AHNAK2: variants seen among roughly 807,000 people sequenced by gnomAD.
AHNAK2 encodes the protein protein AHNAK2.
AHNAK2 carries 18 observed loss-of-function variants against 30.7 expected under a neutral mutation model. The ratio of observed to expected loss-of-function variants is 0.59; its 90% confidence interval spans 0.41 to 0.87. The LOEUF (loss-of-function observed/expected upper bound fraction) is 0.87. AHNAK2 is among the 40% of genes least tolerant of loss of function. The pLI, the probability that AHNAK2 is intolerant of heterozygous loss-of-function variation, is 0.00. For synonymous variants in AHNAK2, 3,590 were observed against 3,073.8 expected (o/e 1.17, Z -5.56); for missense variants, 8,604 against 7,373.0 (o/e 1.17, Z -6.11).
In AHNAK2 at chr14:104,943,169, C is replaced by T. The variant is rs1454625727; in HGVS notation, c.12282G>A (p.Met4094Ile). Reference sequence around the variant, plus strand: ...CGTCCACCTCCATGCTGGACAGAGACATCTTCACATCAGGGGCTGTCACTT... The same window carrying T: ...CGTCCACCTCCATGCTGGACAGAGATATCTTCACATCAGGGGCTGTCACTT... ...KAEVTAPDVKMSLSSMEVDVQ... is the reference protein window; with the variant it reads ...KAEVTAPDVKISLSSMEVDVQ... The change falls in exon 7 of 7, where the codon ATG becomes ATA. Residue 4094 changes from methionine to isoleucine, a missense_variant. By Grantham distance (10) the Met-to-Ile change is conservative. Coordinates refer to ENST00000333244, the MANE Select transcript of AHNAK2 (RefSeq NM_138420.4). The T allele has an allele frequency of 1.2e-6, 2 of 1,612,784 alleles. No homozygotes were observed. Among genetic ancestry groups the T allele is most frequent in the African/African-American group, 1.3e-5 (1 of 74,672 alleles).
chr14:104,938,946 C>T lies in AHNAK2; in HGVS notation c.16505G>A (p.Arg5502Gln), dbSNP rs200811905. The change falls in exon 7 of 7, where the codon CGG becomes CAG. Residue 5502 changes from arginine (R) to glutamine (Q), a missense_variant. By Grantham distance (43) the Arg-to-Gln change is conservative (BLOSUM62 1). Transcript: ENST00000333244. Reference sequence around the variant, plus strand: ...CTCTGACGTGGGGATCTCTGATTCCCGCACAATCTGAGTGGAAAAAGTCCT... The same window carrying T: ...CTCTGACGTGGGGATCTCTGATTCCTGCACAATCTGAGTGGAAAAAGTCCT... The part of the protein sequence containing the change: ...VPRTFSTQIV[R>Q]ESEIPTSEIQ... The T allele has an allele frequency of 1.1e-5, 18 of 1,613,192 alleles. No individual in the cohort carries two copies. Among genetic ancestry groups the T allele is most frequent in the East Asian group, 4.5e-5 (2 of 44,888 alleles).
rs772562205 is a variant in AHNAK2 at position 104,945,041 on chromosome 14, G to A, written c.10410C>T (p.Asp3470=). Residue 3470 remains aspartate, a synonymous_variant, in exon 7 of 7, where the codon GAC becomes GAT. Coordinates refer to ENST00000333244, the MANE Select transcript of AHNAK2 (RefSeq NM_138420.4). Reference sequence around the variant, plus strand: ...TGAACTTGGGCATTTTGAACTTGCTGTCTTTGGCAGTCACATCCTTTTCAG... The same window carrying A: ...TGAACTTGGGCATTTTGAACTTGCTATCTTTGGCAGTCACATCCTTTTCAG... The part of the protein sequence containing the change: ...SLAEKDVTAK[D]SKFKMPKFKM... 45 of 1,613,006 alleles carry A rather than the reference G, an allele frequency of 2.8e-5. No individual in the cohort carries two copies. The highest frequency in any genetic ancestry group is 9.4e-5 in the African/African-American group (7 of 74,600).
Position 104,940,705 on chromosome 14 carries a change from T to G in AHNAK2, c.14746A>C (p.Thr4916Pro). The change falls in exon 7 of 7, where the codon ACC (threonine) becomes CCC (proline). Residue 4916 changes from threonine to proline, a missense_variant. Thr to Pro is a conservative substitution (Grantham distance 38, BLOSUM62 -1). Transcript: ENST00000333244. This position sits in a 1 kb window ranked among gnomAD's most constrained non-coding sequence, Gnocchi z 4.4. Reference protein sequence around the residue: ...LPSTQLPSPGTCVSQGPEELV... With the variant: ...LPSTQLPSPGPCVSQGPEELV... ...TCTTCTGGGCCCTGAGACACACAGGTGCCTGGGGATGGCAGCTGGGTGCTT... is the reference window on the plus strand; with the variant it reads ...TCTTCTGGGCCCTGAGACACACAGGGGCCTGGGGATGGCAGCTGGGTGCTT... The G allele has an allele frequency of 6.2e-7, 1 of 1,612,848 alleles. No individual in the cohort carries two copies. The highest frequency in any genetic ancestry group is 2.2e-5 in the East Asian group (1 of 44,866).
At chr14:104,978,095 TGCGCGCCCCTGGACACGCCCCGGC>T in intron 1 of AHNAK2, 64 bp downstream of exon 1, 2 of 1,097,630 alleles carry the variant, frequency 1.8e-6, no homozygotes, top group Non-Finnish European at 2.3e-6. Context: ...AGGCCCGCAC[TGCGCGCCCCTGGACACGCCCCGGC>T]GCGCGCCCTC....
intron 4 of AHNAK2, among the ~76,000 whole-genome samples, chr14:104,955,933 G>A (rs1048680776): frequency 3.3e-5 from 5 of 152,102 alleles, no homozygotes; most frequent in African/African-American, 1.2e-4. Context: ...AACGGATTCT[G>A]CTTTCCCTGT....
rs1275835993 is a variant in AHNAK2, at chr14:104,944,213, G to C, written c.11238C>G (p.Pro3746=). 1 of 1,612,916 alleles carries C rather than the reference G, an allele frequency of 6.2e-7. No homozygotes were observed. The highest frequency in any genetic ancestry group is 1.3e-5 in the African/African-American group (1 of 74,658). Reference sequence around the variant, plus strand: ...CCTTGGAGACTTTTAGGTCCAGCTTGGGGCCCTTGATGTCCACCTGGGGGC... The same window carrying C: ...CCTTGGAGACTTTTAGGTCCAGCTTCGGGCCCTTGATGTCCACCTGGGGGC... ...LKGPQVDIKG[P]KLDLKVSKAE... The change falls in exon 7 of 7, where the codon CCC becomes CCG. Residue 3746 remains proline, a synonymous_variant. Transcript: ENST00000333244.
At position 104,942,970 on chromosome 14, in the gene AHNAK2, G is replaced by C; in HGVS notation, c.12481C>G (p.Leu4161Val). The change falls in exon 7 of 7, where the codon CTG (leucine) becomes GTG (valine). Residue 4161 changes from leucine (L) to valine (V), a missense_variant. Leu to Val is a conservative substitution (Grantham distance 32, BLOSUM62 1). Coordinates refer to ENST00000333244, the MANE Select transcript of AHNAK2 (RefSeq NM_138420.4). ...SMEASVDVSE[L>V]KAKADVSLPS... ...AGGCTCACGTCGGCTTTCGCCTTCA[G>C]CTCAGACACATCCACGGACGCCTCC... 6.2e-7 allele frequency: 1 copy of C among 1,613,310 alleles called. No individual in the cohort carries two copies. Among genetic ancestry groups the C allele is most frequent in the Non-Finnish European group, 8.5e-7 (1 of 1,179,650 alleles).
At position 104,942,851 on chromosome 14, in the gene AHNAK2, T is replaced by C; in HGVS notation, c.12600A>G (p.Lys4200=). Residue 4200 remains lysine, a synonymous_variant, in exon 7 of 7, where the codon AAA becomes AAG. Coordinates refer to ENST00000333244, the MANE Select transcript of AHNAK2 (RefSeq NM_138420.4). ...LEVQAGQVDV[K]LPEGPLPKGA... ...CCTTGGGCAGGGGGCCCTCCGGGAG[T>C]TTCACGTCCACTTGGCCAGCCTGGA... is the stretch of plus-strand genomic sequence containing the variant. 1.2e-6 allele frequency: 2 copies of C among 1,611,400 alleles called. No individual in the cohort carries two copies. Among genetic ancestry groups the C allele is most frequent in the Admixed American group, 3.3e-5 (2 of 59,768 alleles).
chr14:104,972,809 C>G (rs1034229400), intron 1 of AHNAK2, among the ~76,000 whole-genome samples: 5 of 152,262 alleles, frequency 3.3e-5, no homozygotes, highest in Non-Finnish European at 7.3e-5. Flanking sequence ...CTTGCTCCCC[C>G]GCCAGGCACT....
At position 104,966,543 on chromosome 14, in the gene AHNAK2, C is replaced by T. The variant is rs888862083; in HGVS notation, c.56-8871G>A. On this transcript the variant is annotated intron_variant, in intron 1 of 6. Transcript: ENST00000333244. The surrounding 1 kb of genome is among the most constrained non-coding windows in gnomAD (Gnocchi z 4.3). ...GGCCCCTGCTGCTCCCACCTGGACGCACCCCCAACCTGCACAGACAGAACT... is the reference window on the plus strand; with the variant it reads ...GGCCCCTGCTGCTCCCACCTGGACGTACCCCCAACCTGCACAGACAGAACT... Among the ~76,000 whole-genome samples, 3 of 152,128 alleles carry T rather than the reference C, an allele frequency of 2.0e-5. No homozygotes were observed. Among genetic ancestry groups the T allele is most frequent in the African/African-American group, 7.2e-5 (3 of 41,416 alleles).
At position 104,975,373 on chromosome 14, in the gene AHNAK2, TTC is replaced by T. The variant is rs1327295535; in HGVS notation, c.55+2808_55+2809del. Among the ~76,000 whole-genome samples the T allele has an allele frequency of 2.0e-5, 3 of 152,300 alleles. No individual in the cohort carries two copies. The East Asian group carries it at 5.8e-4, about 29-fold the overall frequency. On this transcript the variant is annotated intron_variant, in intron 1 of 6. Transcript: ENST00000333244. The stretch of plus-strand genomic sequence containing the variant: ...CAGCCTCCCTCCCTGGTGGTCCAGC[TTC>T]TGTTTCCCCACCAGGGAAAGAGCTG...
At chr14:104,976,243 C>T (rs1372690839) in intron 1 of AHNAK2, among the ~76,000 whole-genome samples, 1 of 152,206 alleles carries the variant, frequency 6.6e-6, no homozygotes, top group Admixed American at 6.5e-5. Flanking sequence ...GCTGGTGTTA[C>T]AGTCGGCAGC....
rs527584195 is a variant in AHNAK2, at chr14:104,965,117, G to A, written c.56-7445C>T. ...TTAGTGTAGTTTATGTGTGACCCAA[G>A]ACAATTCTTCTTCTTCCAATGTAGC... is the stretch of plus-strand genomic sequence containing the variant. On this transcript the variant is annotated intron_variant, in intron 1 of 6. Coordinates refer to ENST00000333244, the MANE Select transcript of AHNAK2 (RefSeq NM_138420.4). Among the ~76,000 whole-genome samples the A allele has an allele frequency of 2.6e-5, 4 of 152,278 alleles. No individual in the cohort carries two copies. In the South Asian group the frequency reaches 8.3e-4, roughly 32 times the overall value.
Position 104,950,105 on chromosome 14 carries a change from C to G in AHNAK2, c.5346G>C (p.Val1782=), listed in dbSNP as rs760125461. The G allele has an allele frequency of 5.3e-5, 84 of 1,585,894 alleles. 6 individuals carry two copies. The East Asian group carries it at 1.7e-3, about 32-fold the overall frequency. The part of the protein sequence containing the change: ...GPKAEVMAPD[V]EVSLPSVEVD... ...CCTCCACGCTGGGCAGAGACACCTC[C>G]ACGTCGGGGGCCATCACCTCCGCCT... The change falls in exon 7 of 7, where the codon GTG becomes GTC. Residue 1782 remains valine, a synonymous_variant. Transcript: ENST00000333244.
Position 104,950,029 on chromosome 14 carries a change from C to T in AHNAK2, c.5422G>A (p.Asp1808Asn), listed in dbSNP as rs1243998291. The T allele has an allele frequency of 5.0e-6, 8 of 1,587,082 alleles. 1 individual carries two copies. In the East Asian group the frequency reaches 1.3e-4, roughly 27 times the overall value. ...AKLDSVRLEGDLSLADKDVTA... is the reference protein window; with the variant it reads ...AKLDSVRLEGNLSLADKDVTA... ...ACATCCTTGTCGGCCAGGGACAGGT[C>T]ACCCTCCAGCCGCACACTGTCCAGC... Residue 1808 changes from aspartate to asparagine, a missense_variant, in exon 7 of 7, where the codon GAC becomes AAC. By Grantham distance (23) the Asp-to-Asn change is conservative (BLOSUM62 1). Coordinates refer to ENST00000333244, the MANE Select transcript of AHNAK2 (RefSeq NM_138420.4).
In AHNAK2 at chr14:104,941,273, C is replaced by T. The variant is rs372500718; in HGVS notation, c.14178G>A (p.Lys4726=). 6.8e-6 allele frequency: 11 copies of T among 1,613,492 alleles called. No homozygotes were observed. The highest frequency in any genetic ancestry group is 9.3e-6 in the Non-Finnish European group (11 of 1,179,850). ...GAATCGTGGAAAGACCTATGCTAGACTTTGCACCTGGGACTAAACTATCTT... is the reference window on the plus strand; with the variant it reads ...GAATCGTGGAAAGACCTATGCTAGATTTTGCACCTGGGACTAAACTATCTT... ...TPKDSLVPGA[K]SSIGLSTIPL... Residue 4726 remains lysine, a synonymous_variant, in exon 7 of 7, where the codon AAG becomes AAA. Coordinates refer to ENST00000333244, the MANE Select transcript of AHNAK2 (RefSeq NM_138420.4).
chr14:104,944,706 T>C lies in AHNAK2; in HGVS notation c.10745A>G (p.Lys3582Arg). The C allele has an allele frequency of 6.2e-7, 1 of 1,612,700 alleles. No homozygotes were observed. The highest frequency in any genetic ancestry group is 8.5e-7 in the Non-Finnish European group (1 of 1,179,524). Residue 3582 changes from lysine (K) to arginine (R), a missense_variant, in exon 7 of 7, where the codon AAG (lysine) becomes AGG (arginine). Coordinates refer to ENST00000333244, the MANE Select transcript of AHNAK2 (RefSeq NM_138420.4). ...KGPQIDVKGP[K>R]LDLKGPKAEV... Reference sequence around the variant, plus strand: ...TGCCTTGGGGCCTTTCAGGTCCAGCTTGGGGCCCTTAACATCTATCTGGGG... The same window carrying C: ...TGCCTTGGGGCCTTTCAGGTCCAGCCTGGGGCCCTTAACATCTATCTGGGG...
chr14:104,953,429 C>G lies in AHNAK2; in HGVS notation c.2022G>C (p.Lys674Asn). 6.2e-7 allele frequency: 1 copy of G among 1,614,036 alleles called. No individual in the cohort carries two copies. Among genetic ancestry groups the G allele is most frequent in the South Asian group, 1.1e-5 (1 of 91,086 alleles). Reference sequence around the variant, plus strand: ...GCATCTTGAACTTGGGCATTTTGAACTTGCTGTCTTTGGTGGCCACTTCCT... The same window carrying G: ...GCATCTTGAACTTGGGCATTTTGAAGTTGCTGTCTTTGGTGGCCACTTCCT... ...TEKEVATKDS[K>N]FKMPKFKMPL... Residue 674 changes from lysine (K) to asparagine (N), a missense_variant, in exon 7 of 7, where the codon AAG (lysine) becomes AAC (asparagine). Transcript: ENST00000333244.
rs756724033 is a variant in AHNAK2 at position 104,940,918 on chromosome 14, G to A, written c.14533C>T (p.His4845Tyr). 1 of 1,612,634 alleles carries A rather than the reference G, an allele frequency of 6.2e-7. No homozygotes were observed. The highest frequency in any genetic ancestry group is 8.5e-7 in the Non-Finnish European group (1 of 1,179,584). The change falls in exon 7 of 7, where the codon CAC becomes TAC. Residue 4845 changes from histidine to tyrosine, a missense_variant. Coordinates refer to ENST00000333244, the MANE Select transcript of AHNAK2 (RefSeq NM_138420.4). The surrounding 1 kb of genome is among the most constrained non-coding windows in gnomAD (Gnocchi z 4.4). ...EGVPTSQAES[H>Y]SGPLNSMIPV... is the part of the protein sequence containing the mutation. ...ATCATGGAATTCAGTGGGCCAGAGT[G>A]ACTCTCAGCTTGAGATGTTGGAACT...
Sources: allele counts gnomAD v4.1 joint callset (sites outside exome capture counted in the v4.1 genomes callset), GRCh38; gene constraint gnomAD v4.1.1; non-coding constraint Gnocchi (gnomAD v3.1); transcripts MANE v1.5; gene names NCBI Gene and HGNC (gene_info 2026-07-23, HGNC 2026-07-21).